Variants in CACNA1B observed in about 807,000 individuals in gnomAD.
CACNA1B encodes voltage-dependent N-type calcium channel subunit alpha-1B.
In CACNA1B, 70 loss-of-function variants were observed where a neutral mutation model predicts 247.2. That is an observed-to-expected ratio of 0.28 (90% CI 0.23 to 0.35). The LOEUF (loss-of-function observed/expected upper bound fraction) is 0.35. Among genes scored for constraint, CACNA1B ranks in the 10% least tolerant of loss-of-function variants. The pLI is 1.00. For missense variants in CACNA1B, 2,367 were observed against 3,197.4 expected, an observed-to-expected ratio of 0.74 and a Z score of 6.26; for synonymous variants, 1,231 against 1,294.4, an observed-to-expected ratio of 0.95 and a Z score of 1.05.
At chr9:137,956,513 C>G (rs1957949925) in intron 8 of CACNA1B, among the ~76,000 whole-genome samples, 1 of 152,136 alleles carries the variant, frequency 6.6e-6, no homozygotes, top group Non-Finnish European at 1.5e-5. Context: ...CAAAAATTAG[C>G]CGGGCATGGT....
At chr9:137,879,650 G>A (rs1956889586) in intron 2 of CACNA1B, among the ~76,000 whole-genome samples, 1 of 152,214 alleles carries the variant, frequency 6.6e-6, no homozygotes, top group South Asian at 2.1e-4. Context: ...CATCCTGTGG[G>A]AAGCATTCCT....
intron 32 of CACNA1B, among the ~76,000 whole-genome samples, chr9:138,070,591 T>A (rs1420007128): frequency 6.6e-6 from 1 of 152,260 alleles, no homozygotes; most frequent in East Asian, 1.9e-4. Context: ...GAGAGTCGTG[T>A]AAAAGTGAAT....
intron 3 of CACNA1B, among the ~76,000 whole-genome samples, chr9:137,904,853 T>TCA (rs1564883142): frequency 6.6e-6 from 1 of 152,190 alleles, no homozygotes; most frequent in Non-Finnish European, 1.5e-5. Context: ...ACTATGTTGG[T>TCA]GAGAACTCTT....
chr9:138,066,966 A>G (rs1347069343), intron 31 of CACNA1B, among the ~76,000 whole-genome samples: 1 of 152,226 alleles, frequency 6.6e-6, no homozygotes, highest in African/African-American at 2.4e-5. Flanking sequence ...TTAAAAATTG[A>G]CACACTTCTG....
At chr9:138,027,360 A>G (rs1372164627) in intron 20 of CACNA1B, among the ~76,000 whole-genome samples, 1 of 152,110 alleles carries the variant, frequency 6.6e-6, no homozygotes, top group Non-Finnish European at 1.5e-5. Flanking sequence ...ACTTTTCTGA[A>G]TCCTCAAATT....
At position 138,013,217 on chromosome 9, in the gene CACNA1B, C is replaced by T. The variant is rs200288130; in HGVS notation, c.2249C>T (p.Ala750Val). The change falls in exon 18 of 47, where the codon GCG becomes GTG. Residue 750 changes from alanine (A) to valine (V), a missense_variant. This residue lies in a region of CACNA1B where 631 missense variants were observed against 631.1 expected (regional missense o/e 1.00). Coordinates refer to ENST00000371372, the MANE Select transcript of CACNA1B (RefSeq NM_000718.4). ...EVAEVSPMSA[A>V]NISIAARQQN... The stretch of plus-strand genomic sequence containing the variant: ...GCTGAAGTCAGCCCCATGTCTGCCG[C>T]GAACATCTCCATCGCCGCGTAAGGC... The T allele has an allele frequency of 1.7e-5, 27 of 1,601,044 alleles. No individual in the cohort carries two copies. The highest frequency in any genetic ancestry group is 2.2e-5 in the East Asian group (1 of 44,708).
chr9:138,118,897 C>T, intron 44 of CACNA1B, 129 bp downstream of exon 44: 1 of 609,626 alleles, frequency 1.6e-6, no homozygotes, highest in Non-Finnish European at 2.9e-6. Flanking sequence ...GTGTGGAGCT[C>T]TTTGCTGAGG....
intron 20 of CACNA1B, among the ~76,000 whole-genome samples, chr9:138,027,112 CTGTT>C (rs1284584153): frequency 3.9e-5 from 6 of 152,104 alleles, no homozygotes; most frequent in Admixed American, 3.9e-4. Flanking sequence ...TTTATTCTGG[CTGTT>C]TGTTTTCTAG....
Position 138,058,514 on chromosome 9 carries a change from G to T in CACNA1B, c.4309-55G>T. ...CGAGACAGGGCTGGGTGCAGTAGAT[G>T]CCGTCGGGTAGGTTTTCTGCTTCTG... is the stretch of plus-strand genomic sequence containing the variant. On this transcript the variant is annotated intron_variant, in intron 28 of 46. Transcript: ENST00000371372. The surrounding 1 kb of genome is among the most constrained non-coding windows in gnomAD (Gnocchi z 4.7). The T allele has an allele frequency of 1.3e-6, 2 of 1,508,684 alleles. No homozygotes were observed. Among genetic ancestry groups the T allele is most frequent in the Non-Finnish European group, 1.8e-6 (2 of 1,108,720 alleles). The allele number at this position is 1,508,684 out of a possible 1,614,324, so 93.5% of individuals were successfully genotyped here.
In CACNA1B at chr9:138,121,868, G is replaced by C. The variant is rs41290003; in HGVS notation, c.6889G>C (p.Val2297Leu). ...NSGRSSRTSY[V>L]SSLTSQSHPL... ...GGGCCGCTCCTCCAGGACTTCCTAC[G>C]TGTCCTCCCTGACCTCCCAGTCTCA... is the stretch of plus-strand genomic sequence containing the variant. The change falls in exon 47 of 47, where the codon GTG (valine) becomes CTG (leucine). Residue 2297 changes from valine to leucine, a missense_variant. Coordinates refer to ENST00000371372, the MANE Select transcript of CACNA1B (RefSeq NM_000718.4). The surrounding 1 kb of genome is among the most constrained non-coding windows in gnomAD (Gnocchi z 6.8). 1 of 1,613,250 alleles carries C rather than the reference G, an allele frequency of 6.2e-7. No homozygotes were observed. The highest frequency in any genetic ancestry group is 1.7e-5 in the Admixed American group (1 of 60,032).
rs868781201 is a variant in CACNA1B at position 138,014,527 on chromosome 9, G to A, written c.2267+1292G>A. On this transcript the variant is annotated intron_variant, in intron 18 of 46. Transcript: ENST00000371372. The surrounding 1 kb of genome is among the most constrained non-coding windows in gnomAD (Gnocchi z 6.2). ...GCTCAGTCCTCAGTTGTTTAATTTC[G>A]ATCTTTCATTGTCTTGGCCAATTCG... Among the ~76,000 whole-genome samples, 21 of 152,112 alleles carry A rather than the reference G, an allele frequency of 1.4e-4. No individual in the cohort carries two copies. The highest frequency in any genetic ancestry group is 4.3e-4 in the African/African-American group (18 of 41,418).
chr9:137,946,882 A>AC (rs766530935), intron 6 of CACNA1B, among the ~76,000 whole-genome samples: 176 of 152,370 alleles, frequency 1.2e-3, no homozygotes, highest in Non-Finnish European at 4.7e-4. Context: ...AAAATACGTT[A>AC]CCGGGGGGGT....
Position 138,058,319 on chromosome 9 carries a change from C to G in CACNA1B, c.4308+69C>G. On this transcript the variant is annotated intron_variant, in intron 28 of 46. Transcript: ENST00000371372. The surrounding 1 kb of genome is among the most constrained non-coding windows in gnomAD (Gnocchi z 4.7). The stretch of plus-strand genomic sequence containing the variant: ...AGCGCCATCAGGCTTCCCTCCTGCA[C>G]ACAAATCACTCACAGCTGGGTCAGC... 3.0e-6 allele frequency: 4 copies of G among 1,318,882 alleles called. No individual in the cohort carries two copies. Among genetic ancestry groups the G allele is most frequent in the Non-Finnish European group, 4.3e-6 (4 of 919,880 alleles). The allele number at this position is 1,318,882 out of a possible 1,614,324, so 81.7% of individuals were successfully genotyped here. A position where few individuals can be genotyped will look rare whatever the true frequency, so the allele number is the denominator to read the frequency against.
Position 138,058,468 on chromosome 9 carries a change from A to C in CACNA1B, c.4309-101A>C. 3.5e-6 allele frequency: 4 copies of C among 1,143,718 alleles called. No individual in the cohort carries two copies. The highest frequency in any genetic ancestry group is 1.5e-5 in the African/African-American group (1 of 64,534). The allele number at this position is 1,143,718 out of a possible 1,614,324, so 70.8% of individuals were successfully genotyped here. A position where few individuals can be genotyped will look rare whatever the true frequency, so the allele number is the denominator to read the frequency against. On this transcript the variant is annotated intron_variant, in intron 28 of 46. Transcript: ENST00000371372. This position sits in a 1 kb window ranked among gnomAD's most constrained non-coding sequence, Gnocchi z 4.7. ...CTGCTTCAATTTGTCTTCTGTTGTC[A>C]GGGCTCCCTGTGAGGCCTGGCGAGA...
At chr9:138,120,583 T>C (rs961541260) in intron 45 of CACNA1B, 48 bp from the exon 46 acceptor site, 3 of 1,464,326 alleles carry the variant, frequency 2.0e-6, no homozygotes, top group African/African-American at 1.4e-5. Context: ...GGGTCAGGGG[T>C]CCCTGCCTTG....
chr9:138,094,457 A>AAAAAAAAAAAAAAAAAAAAAGAAG (rs752912258), intron 36 of CACNA1B, among the ~76,000 whole-genome samples: 134 of 134,622 alleles, frequency 1.0e-3, no homozygotes, highest in African/African-American at 2.8e-3. Context: ...AAAAAAAAAA[A>AAAAAAAAAAAAAAAAAAAAAGAAG]AAGAAGAAGA....
At chr9:137,892,629 G>A in intron 3 of CACNA1B, 1 of 346,246 alleles carries the variant, frequency 2.9e-6, no homozygotes, top group Non-Finnish European at 5.7e-6. Flanking sequence ...GAGGGGCACT[G>A]TGAGACTGCA....
Position 138,057,632 on chromosome 9 carries a change from G to C in CACNA1B, c.3969-100G>C, listed in dbSNP as rs1192804383. 3.5e-6 allele frequency: 4 copies of C among 1,153,336 alleles called. No homozygotes were observed. Among genetic ancestry groups the C allele is most frequent in the Non-Finnish European group, 3.7e-6 (3 of 808,028 alleles). The allele number at this position is 1,153,336 out of a possible 1,614,324, so 71.4% of individuals were successfully genotyped here. A position where few individuals can be genotyped will look rare whatever the true frequency, so the allele number is the denominator to read the frequency against. On this transcript the variant is annotated intron_variant, in intron 26 of 46. Coordinates refer to ENST00000371372, the MANE Select transcript of CACNA1B (RefSeq NM_000718.4). The surrounding 1 kb of genome is among the most constrained non-coding windows in gnomAD (Gnocchi z 4.0). ...TTTTCCCAGCACAGTCTGTTGGAGA[G>C]GCCATTCTTTCCCCACGGAATGGTT...
At chr9:137,941,939 AC>A (rs1445152947) in intron 6 of CACNA1B, among the ~76,000 whole-genome samples, 2 of 152,182 alleles carry the variant, frequency 1.3e-5, no homozygotes, top group African/African-American at 4.8e-5. Flanking sequence ...ATGACCAAGA[AC>A]CCAAAAGAAA....
Sources: allele counts gnomAD v4.1 joint callset (sites outside exome capture counted in the v4.1 genomes callset), GRCh38; gene constraint gnomAD v4.1.1; regional missense constraint gnomAD v4.1.1; non-coding constraint Gnocchi (gnomAD v3.1); transcripts MANE v1.5; gene names NCBI Gene and HGNC (gene_info 2026-07-23, HGNC 2026-07-21).